TMEFF2: variants seen among roughly 807,000 people sequenced by gnomAD.
TMEFF2 encodes the protein transmembrane protein with EGF like and two follistatin like domains 2.
TMEFF2 carries 28 observed loss-of-function variants against 53.8 expected under a neutral mutation model. The ratio of observed to expected loss-of-function variants is 0.52; its 90% confidence interval spans 0.39 to 0.71. The LOEUF is 0.71. TMEFF2 is among the 30% of genes least tolerant of loss of function. The pLI is 0.00. For missense variants in TMEFF2, 353 were observed against 455.2 expected (o/e 0.78, Z 2.04); for synonymous variants, 162 against 166.3 (o/e 0.97, Z 0.20).
rs531115598 is a variant in TMEFF2 at position 192,180,855 on chromosome 2, G to A, written c.413-1161C>T. On this transcript the variant is annotated intron_variant, in intron 3 of 9. Transcript: ENST00000272771. ...GCATTAGCAGTACCATGAAGGAGCA[G>A]TAGTTTGAACTGTCAGTCTTGTTGG... Among the ~76,000 whole-genome samples the A allele has an allele frequency of 3.7e-3, 563 of 151,784 alleles. 5 individuals carry two copies. Among genetic ancestry groups the A allele is most frequent in the African/African-American group, 0.012 (516 of 41,490 alleles).
intron 7 of TMEFF2, among the ~76,000 whole-genome samples, chr2:191,961,285 A>T (rs1692264859): frequency 6.6e-6 from 1 of 152,140 alleles, no homozygotes; most frequent in Admixed American, 6.5e-5. Context: ...ATCCCATATG[A>T]TCTTGACACG....
intron 4 of TMEFF2, among the ~76,000 whole-genome samples, chr2:192,091,773 C>T (rs1350602717): frequency 1.3e-5 from 2 of 151,656 alleles, no homozygotes; most frequent in East Asian, 1.9e-4. Flanking sequence ...TGTAATTCTC[C>T]AACTCATTAA....
At position 191,986,753 on chromosome 2, in the gene TMEFF2, G is replaced by A. The variant is rs772178029; in HGVS notation, c.745+11509C>T. ...CATGCCTGTAATCCCAGCTACTCAG[G>A]AGGCTGAGGCAGGAGAATCACTAGA... On this transcript the variant is annotated intron_variant, in intron 7 of 9. Transcript: ENST00000272771. Among the ~76,000 whole-genome samples the A allele has an allele frequency of 5.3e-5, 8 of 151,192 alleles. No homozygotes were observed. The East Asian group carries it at 1.6e-3, about 29-fold the overall frequency.
intron 5 of TMEFF2, among the ~76,000 whole-genome samples, chr2:192,020,268 A>T (rs1192655955): frequency 6.6e-6 from 1 of 152,092 alleles, no homozygotes. Flanking sequence ...TCTCAAATAT[A>T]TGTTATGAAT....
At chr2:192,119,618 C>T (rs1689500153) in intron 4 of TMEFF2, among the ~76,000 whole-genome samples, 1 of 152,164 alleles carries the variant, frequency 6.6e-6, no homozygotes. Context: ...AGAAAAATTT[C>T]CTTTGCATTT....
At chr2:192,056,399 A>G (rs1687910858) in intron 5 of TMEFF2, among the ~76,000 whole-genome samples, 1 of 151,934 alleles carries the variant, frequency 6.6e-6, no homozygotes, top group Non-Finnish European at 1.5e-5. Context: ...GTGGAAGAGG[A>G]AGAAGAGGAA....
rs1467305883 is a variant in TMEFF2 at position 192,184,475 on chromosome 2, A to T, written c.291T>A (p.Asn97Lys). The change falls in exon 3 of 10, where the codon AAT (asparagine) becomes AAA (lysine). Residue 97 changes from asparagine to lysine, a missense_variant. Asn to Lys is a moderately conservative substitution (Grantham distance 94, BLOSUM62 0). Around this residue, in one of 3 missense-constraint regions of TMEFF2, gnomAD observed 294 missense variants for 397.3 expected, o/e 0.74. Transcript: ENST00000272771. ...TGGAGCCACACACAGGCACATAGTC[A>T]TTGTTGCACTGGGAAACACACAGAT... Reference protein sequence around the residue: ...VTCVCQFKCNNDYVPVCGSNG... With the variant: ...VTCVCQFKCNKDYVPVCGSNG... 6.2e-7 allele frequency: 1 copy of T among 1,613,084 alleles called. No individual in the cohort carries two copies. The highest frequency in any genetic ancestry group is 2.2e-5 in the East Asian group (1 of 44,866).
chr2:192,167,755 G>C (rs1690804795), intron 4 of TMEFF2, among the ~76,000 whole-genome samples: 2 of 152,144 alleles, frequency 1.3e-5, no homozygotes, highest in South Asian at 4.1e-4. Flanking sequence ...GTTAATGGAT[G>C]AAACAGAATC....
At chr2:191,973,401 A>G (rs1430921470) in intron 7 of TMEFF2, among the ~76,000 whole-genome samples, 4 of 152,182 alleles carry the variant, frequency 2.6e-5, no homozygotes, top group African/African-American at 7.2e-5. Flanking sequence ...ACATGAATAC[A>G]TATTTATATA....
At chr2:191,960,982 A>G (rs1692253733) in intron 7 of TMEFF2, among the ~76,000 whole-genome samples, 1 of 152,194 alleles carries the variant, frequency 6.6e-6, no homozygotes, top group Non-Finnish European at 1.5e-5. Flanking sequence ...TATTGCTAAT[A>G]TTTACTTATG....
chr2:192,014,919 G>A (rs1200921387), intron 5 of TMEFF2, among the ~76,000 whole-genome samples: 2 of 152,196 alleles, frequency 1.3e-5, no homozygotes, highest in Non-Finnish European at 2.9e-5. Context: ...AGTGAAAGAT[G>A]TTGCCTTTTC....
Position 192,128,313 on chromosome 2 carries a change from C to T in TMEFF2, c.439+51355G>A, listed in dbSNP as rs74340649. On this transcript the variant is annotated intron_variant, in intron 4 of 9. Coordinates refer to ENST00000272771, the MANE Select transcript of TMEFF2 (RefSeq NM_016192.4). The stretch of plus-strand genomic sequence containing the variant: ...GGTGAGGTAACAAATCAGCATTAGT[C>T]GAATATAAGAATATTCTTAGTTTCT... Among the ~76,000 whole-genome samples the T allele has an allele frequency of 5.6e-3, 854 of 152,186 alleles. 9 individuals carry two copies. The highest frequency in any genetic ancestry group is 0.019 in the African/African-American group (809 of 41,524).
chr2:192,175,897 TA>T (rs546079985), intron 4 of TMEFF2, among the ~76,000 whole-genome samples: 6 of 151,294 alleles, frequency 4.0e-5, no homozygotes, highest in South Asian at 2.1e-4. Flanking sequence ...CATAAATATT[TA>T]AAAAAAACAG....
intron 3 of TMEFF2, among the ~76,000 whole-genome samples, chr2:192,180,208 T>A (rs1489579121): frequency 6.6e-6 from 1 of 151,646 alleles, no homozygotes; most frequent in Non-Finnish European, 1.5e-5. Flanking sequence ...GATGATTCCA[T>A]CTGTGTCAAA....
chr2:192,095,249 A>G (rs1688876852), intron 4 of TMEFF2, among the ~76,000 whole-genome samples: 1 of 152,182 alleles, frequency 6.6e-6, no homozygotes, highest in Admixed American at 6.5e-5. Flanking sequence ...AGTTGAAGCC[A>G]TAGAGAAGCC....
chr2:192,029,340 C>T (rs1180445466), intron 5 of TMEFF2: 1 of 152,248 alleles, frequency 6.6e-6, no homozygotes, highest in Non-Finnish European at 1.5e-5. Context: ...GTAGGAGGAA[C>T]CCTAAGTCAG....
At chr2:191,986,635 A>G (rs773960393) in intron 7 of TMEFF2, among the ~76,000 whole-genome samples, 4 of 150,884 alleles carry the variant, frequency 2.7e-5, no homozygotes, top group Non-Finnish European at 5.9e-5. Context: ...CAACGTGGGC[A>G]GATCACAAGG....
intron 4 of TMEFF2, among the ~76,000 whole-genome samples, chr2:192,087,045 T>G (rs2105930741): frequency 6.7e-6 from 1 of 150,228 alleles, no homozygotes; most frequent in Admixed American, 6.7e-5. Context: ...TATTATATAT[T>G]TATTGTAAAT....
intron 4 of TMEFF2, among the ~76,000 whole-genome samples, chr2:192,117,619 A>C (rs561506983): frequency 6.6e-6 from 1 of 152,098 alleles, no homozygotes; most frequent in East Asian, 1.9e-4. Context: ...CCAACTTTCC[A>C]TGCCCAAGTA....
Sources: allele counts gnomAD v4.1 joint callset (sites outside exome capture counted in the v4.1 genomes callset), GRCh38; gene constraint gnomAD v4.1.1; regional missense constraint gnomAD v4.1.1; transcripts MANE v1.5; gene names NCBI Gene and HGNC (gene_info 2026-07-23, HGNC 2026-07-21).